EIF3K: variants seen among roughly 807,000 people sequenced by gnomAD.
EIF3K encodes eIF-3 p28.
Under a neutral mutation model 34.2 loss-of-function variants are expected in EIF3K, and 27 were observed. That is an observed-to-expected ratio of 0.79 (90% confidence interval 0.58 to 1.09). The LOEUF is 1.09. Ranked by LOEUF, EIF3K falls within the 50% of genes least tolerant of loss-of-function variation. The pLI, the probability that EIF3K is intolerant of heterozygous loss-of-function variation, is 0.00. For missense variants in EIF3K, 232 were observed against 275.4 expected (o/e 0.84, Z 1.11); for synonymous variants, 105 against 105.7 (o/e 0.99, Z 0.04).
intron 4 of EIF3K, among the ~76,000 whole-genome samples, chr19:38,630,339 A>ATTTTTTTTTTTTTTTTTTTT (rs1489845622): frequency 7.3e-6 from 1 of 136,570 alleles, no homozygotes; most frequent in African/African-American, 2.6e-5. Context: ...TTATTTATTT[A>ATTTTTTTTTTTTTTTTTTTT]TTTATTTATT....
At chr19:38,628,576 G>T (rs1268273679) in intron 4 of EIF3K, 1 of 152,404 alleles carries the variant, frequency 6.6e-6, no homozygotes, top group Non-Finnish European at 1.5e-5. Context: ...TGTAATCCCA[G>T]CACTTTGGGA....
intron 7 of EIF3K, 112 bp from the exon 8 acceptor site, chr19:38,636,777 G>A: frequency 8.0e-7 from 1 of 1,249,212 alleles, no homozygotes; most frequent in Non-Finnish European, 1.2e-6. Context: ...GGTAACTGGG[G>A]CCTGGAAGGA....
intron 6 of EIF3K, among the ~76,000 whole-genome samples, chr19:38,634,706 ACCAAAATTTG>A (rs1359119226): frequency 6.6e-6 from 1 of 152,208 alleles, no homozygotes; most frequent in Non-Finnish European, 1.5e-5. Flanking sequence ...CTTGTTAGGA[ACCAAAATTTG>A]CCCAGGGAGA....
At chr19:38,630,936 A>G (rs1976051929) in intron 4 of EIF3K, 1 of 151,648 alleles carries the variant, frequency 6.6e-6, no homozygotes, top group Non-Finnish European at 1.5e-5. Flanking sequence ...TCAGCCTCCC[A>G]AAGTGCTGGG....
At chr19:38,620,616 G>A (rs1402658205) in intron 2 of EIF3K, among the ~76,000 whole-genome samples, 181 bp downstream of exon 2, 1 of 152,246 alleles carries the variant, frequency 6.6e-6, no homozygotes, top group East Asian at 1.9e-4. Context: ...ATCAATTGCC[G>A]GGCGCGGTGA....
intron 3 of EIF3K, among the ~76,000 whole-genome samples, chr19:38,625,025 T>G (rs1027915902): frequency 6.6e-6 from 1 of 151,756 alleles, no homozygotes; most frequent in Non-Finnish European, 1.5e-5. Flanking sequence ...GGTGGAGGGG[T>G]AGGCAAAGGT....
chr19:38,627,045 G>T (rs1423127815), intron 4 of EIF3K, among the ~76,000 whole-genome samples: 1 of 152,100 alleles, frequency 6.6e-6, no homozygotes, highest in Admixed American at 6.6e-5. Flanking sequence ...GGAGTGCAGT[G>T]GCGCGATCTT....
intron 6 of EIF3K, among the ~76,000 whole-genome samples, chr19:38,634,098 T>C (rs1599740486): frequency 7.7e-6 from 1 of 129,176 alleles, no homozygotes; most frequent in East Asian, 2.2e-4. Flanking sequence ...AACTTTTTTT[T>C]TTTTTTTTTT....
At chr19:38,625,980 C>T in intron 3 of EIF3K, 48 bp from the exon 4 acceptor site, 1 of 1,584,820 alleles carries the variant, frequency 6.3e-7, no homozygotes. Context: ...ATCTGGGGTC[C>T]AACCTTACGC....
At position 38,627,694 on chromosome 19, in the gene EIF3K, G is replaced by C. The variant is rs557891152; in HGVS notation, c.354+1592G>C. ...CCGTCTCAAAAAAAAAAAAAATTCA[G>C]CTCCTTCTCACTGGCGCTCTCTACC... On this transcript the variant is annotated intron_variant, in intron 4 of 7. Coordinates refer to ENST00000248342, the MANE Select transcript of EIF3K (RefSeq NM_013234.4). 1.7e-4 allele frequency among the ~76,000 whole-genome samples: 26 copies of C among 151,122 alleles called. 1 individual carries two copies. Among genetic ancestry groups the C allele is most frequent in the Admixed American group, 8.6e-4 (13 of 15,130 alleles).
At chr19:38,629,227 G>A (rs1976009079) in intron 4 of EIF3K, among the ~76,000 whole-genome samples, 1 of 152,128 alleles carries the variant, frequency 6.6e-6, no homozygotes, top group Admixed American at 6.6e-5. Flanking sequence ...GGAGATCTTA[G>A]ACCTATTCCA....
intron 6 of EIF3K, among the ~76,000 whole-genome samples, chr19:38,634,490 C>T (rs1045850893): frequency 3.3e-5 from 5 of 151,038 alleles, no homozygotes; most frequent in Non-Finnish European, 7.4e-5. Context: ...CCCAGCTACT[C>T]GGGAGGCTGA....
At chr19:38,625,973 T>G in intron 3 of EIF3K, 55 bp from the exon 4 acceptor site, 1 of 1,547,912 alleles carries the variant, frequency 6.5e-7, no homozygotes, top group South Asian at 1.1e-5. Context: ...AGGGGTGATC[T>G]GGGGTCCAAC....
In EIF3K at chr19:38,632,277, G is replaced by T; in HGVS notation, c.355-153G>T. On this transcript the variant is annotated intron_variant, in intron 4 of 7. Coordinates refer to ENST00000248342, the MANE Select transcript of EIF3K (RefSeq NM_013234.4). ...TAACAACAGCAGCAACAAAATCTTA[G>T]CACTTTGGGGGGCTGAGGCAGGAAG... 7 of 679,892 alleles carry T rather than the reference G, an allele frequency of 1.0e-5. No individual in the cohort carries two copies. The South Asian group carries it at 1.1e-4, about 11-fold the overall frequency. The allele number at this position is 679,892 out of a possible 1,614,324, so 42.1% of individuals were successfully genotyped here.
Position 38,635,337 on chromosome 19 carries a change from T to C in EIF3K, c.625+219T>C, listed in dbSNP as rs568238627. The C allele has an allele frequency of 4.3e-5, 28 of 648,050 alleles. No homozygotes were observed. The East Asian group carries it at 7.7e-4, about 18-fold the overall frequency. 40.1% of individuals were successfully genotyped at this position (648,050 alleles called of 1,614,324 possible). A position where few individuals can be genotyped will look rare whatever the true frequency, so the allele number is the denominator to read the frequency against. On this transcript the variant is annotated intron_variant, in intron 7 of 7. Coordinates refer to ENST00000248342, the MANE Select transcript of EIF3K (RefSeq NM_013234.4). ...CCTGGAACTTCTAGGCCCTGTGTCCTGCCCCATAGCACTCAGCAAGACTTC... is the reference window on the plus strand; with the variant it reads ...CCTGGAACTTCTAGGCCCTGTGTCCCGCCCCATAGCACTCAGCAAGACTTC...
intron 3 of EIF3K, 58 bp downstream of exon 3, chr19:38,624,255 A>C: frequency 1.2e-6 from 2 of 1,608,470 alleles, no homozygotes; most frequent in African/African-American, 1.3e-5. Context: ...GTCAAGGTGC[A>C]TGAATTCCCA....
intron 4 of EIF3K, among the ~76,000 whole-genome samples, chr19:38,626,655 C>T (rs372227790): frequency 5.9e-5 from 9 of 152,114 alleles, no homozygotes; most frequent in South Asian, 4.1e-4. Flanking sequence ...AGAAATTCTC[C>T]GTCTCTTCTA....
chr19:38,634,459 G>A (rs984089394), intron 6 of EIF3K, among the ~76,000 whole-genome samples: 1 of 151,572 alleles, frequency 6.6e-6, no homozygotes, highest in African/African-American at 2.4e-5. Context: ...TTAGCCAGGC[G>A]TGGTGGCGCA....
intron 2 of EIF3K, among the ~76,000 whole-genome samples, chr19:38,620,787 G>T (rs531748215): frequency 4.6e-5 from 7 of 152,080 alleles, no homozygotes; most frequent in African/African-American, 1.7e-4. Context: ...CCAGCTACTC[G>T]GGAGGCTGAG....
Sources: allele counts gnomAD v4.1 joint callset (sites outside exome capture counted in the v4.1 genomes callset), GRCh38; gene constraint gnomAD v4.1.1; transcripts MANE v1.5; gene names NCBI Gene and HGNC (gene_info 2026-07-23, HGNC 2026-07-21).